ATXN1: variants seen among roughly 807,000 people sequenced by gnomAD.
ATXN1 encodes ataxin-1.
ATXN1 carries 8 observed loss-of-function variants against 56.4 expected under a neutral mutation model. That is an observed-to-expected ratio of 0.14 (90% CI 0.08 to 0.26). The LOEUF (loss-of-function observed/expected upper bound fraction) is 0.26, where lower values mean the gene tolerates loss of function less well. ATXN1 is among the 10% of genes least tolerant of loss of function. The pLI, the probability that ATXN1 is intolerant of heterozygous loss-of-function variation, is 1.00. For missense variants in ATXN1, 987 were observed against 1,106.5 expected (o/e 0.89, Z 1.53); for synonymous variants, 514 against 494.6 (o/e 1.04, Z -0.52).
intron 6 of ATXN1, among the ~76,000 whole-genome samples, chr6:16,396,259 T>TAA (rs749738695): frequency 7.0e-6 from 1 of 143,156 alleles, no homozygotes; most frequent in Non-Finnish European, 1.5e-5. Flanking sequence ...ACAGAAAACT[T>TAA]AAAAAAAAAA....
At chr6:16,383,602 A>T (rs1198616748) in intron 6 of ATXN1, among the ~76,000 whole-genome samples, 1 of 152,194 alleles carries the variant, frequency 6.6e-6, no homozygotes, top group Non-Finnish European at 1.5e-5. Flanking sequence ...TCATTAGATC[A>T]TGCTACTAAC....
intron 5 of ATXN1, among the ~76,000 whole-genome samples, chr6:16,493,568 A>G (rs751605554): frequency 6.6e-6 from 1 of 151,542 alleles, no homozygotes; most frequent in Non-Finnish European, 1.5e-5. Context: ...TCATCTCCCC[A>G]AGTGGAATGT....
At chr6:16,542,553 A>G (rs1755473721) in intron 4 of ATXN1, among the ~76,000 whole-genome samples, 1 of 152,168 alleles carries the variant, frequency 6.6e-6, no homozygotes, top group African/African-American at 2.4e-5. Context: ...CTCTAGAGGG[A>G]AAGTATGTAG....
At chr6:16,357,182 C>T (rs889847142) in intron 6 of ATXN1, among the ~76,000 whole-genome samples, 42 of 152,122 alleles carry the variant, frequency 2.8e-4, no homozygotes, top group African/African-American at 1.0e-3. Flanking sequence ...GACAAATATG[C>T]ACTACTAAGG....
At position 16,529,518 on chromosome 6, in the gene ATXN1, C is replaced by T. The variant is rs1233928020; in HGVS notation, c.-360-6830G>A. ...CAAAGTGTGGCAGATTGAACACCCGCTCATCTGACCTAAGCGCAATGTTAA... is the reference window on the plus strand; with the variant it reads ...CAAAGTGTGGCAGATTGAACACCCGTTCATCTGACCTAAGCGCAATGTTAA... On this transcript the variant is annotated intron_variant, in intron 4 of 7. Coordinates refer to ENST00000436367, the MANE Select transcript of ATXN1 (RefSeq NM_001128164.2). Among the ~76,000 whole-genome samples the T allele has an allele frequency of 3.3e-5, 5 of 152,176 alleles. No individual in the cohort carries two copies. The South Asian group carries it at 8.3e-4, about 25-fold the overall frequency.
At chr6:16,384,038 C>T (rs1758188933) in intron 6 of ATXN1, among the ~76,000 whole-genome samples, 1 of 152,214 alleles carries the variant, frequency 6.6e-6, no homozygotes, top group African/African-American at 2.4e-5. Flanking sequence ...TGTACCCTGT[C>T]TTGAATTCTA....
At chr6:16,417,200 T>TA (rs1253622951) in intron 6 of ATXN1, among the ~76,000 whole-genome samples, 7 of 151,760 alleles carry the variant, frequency 4.6e-5, no homozygotes, top group Middle Eastern at 3.4e-3. Context: ...CTAGGCTACT[T>TA]AAAAAAAAAT....
chr6:16,741,597 C>G (rs1046534360), intron 2 of ATXN1, among the ~76,000 whole-genome samples: 4 of 152,196 alleles, frequency 2.6e-5, no homozygotes, highest in African/African-American at 7.2e-5. Flanking sequence ...TACAGCAGGA[C>G]AGCCAACAGC....
At chr6:16,733,071 G>A (rs1263280403) in intron 2 of ATXN1, among the ~76,000 whole-genome samples, 1 of 152,160 alleles carries the variant, frequency 6.6e-6, no homozygotes, top group African/African-American at 2.4e-5. Context: ...TTCCTGCCAT[G>A]CCGGGACCCA....
chr6:16,702,144 C>T (rs1412118722), intron 2 of ATXN1, among the ~76,000 whole-genome samples: 8 of 152,116 alleles, frequency 5.3e-5, no homozygotes, highest in African/African-American at 1.7e-4. Context: ...GAGATATAGA[C>T]CAATGGAACA....
chr6:16,471,621 G>A (rs1265368561), intron 6 of ATXN1, among the ~76,000 whole-genome samples: 4 of 151,998 alleles, frequency 2.6e-5, no homozygotes, highest in African/African-American at 7.2e-5. Context: ...GATTAGATTC[G>A]CACCTCTCTG....
At chr6:16,719,315 T>C (rs1004434605) in intron 2 of ATXN1, among the ~76,000 whole-genome samples, 3 of 152,234 alleles carry the variant, frequency 2.0e-5, no homozygotes, top group African/African-American at 7.2e-5. Flanking sequence ...AAGAGCAACT[T>C]TATTTCATTT....
intron 6 of ATXN1, among the ~76,000 whole-genome samples, chr6:16,373,272 TC>T (rs574060906): frequency 6.8e-4 from 103 of 152,378 alleles, no homozygotes; most frequent in African/African-American, 2.5e-3. Context: ...TTAGAAATGA[TC>T]CATAATTTCT....
chr6:16,474,876 T>TCC (rs1429358456), intron 6 of ATXN1, among the ~76,000 whole-genome samples: 40 of 152,162 alleles, frequency 2.6e-4, no homozygotes, highest in Admixed American at 2.1e-3. Context: ...TCTCTCTCTC[T>TCC]TTCTGTAAAT....
At chr6:16,559,973 C>T (rs1445371112) in intron 4 of ATXN1, among the ~76,000 whole-genome samples, 2 of 152,088 alleles carry the variant, frequency 1.3e-5, no homozygotes, top group African/African-American at 4.8e-5. Flanking sequence ...TGCACCGCCT[C>T]CCCACCCCAC....
At chr6:16,711,691 C>T (rs906115802) in intron 2 of ATXN1, among the ~76,000 whole-genome samples, 22 of 152,016 alleles carry the variant, frequency 1.4e-4, no homozygotes, top group Non-Finnish European at 2.6e-4. Flanking sequence ...TCATGACTCA[C>T]TGCAGGCTTG....
rs553896504 is a variant in ATXN1 at position 16,375,668 on chromosome 6, AT to A, written c.-160-47199del. On this transcript the variant is annotated intron_variant, in intron 6 of 7. Coordinates refer to ENST00000436367, the MANE Select transcript of ATXN1 (RefSeq NM_001128164.2). ...ATCAGACCACAATGCTTGTATCTTT[AT>A]TTTTTTTTTTCCTGCTCATTGCCTT... 8.5e-4 allele frequency among the ~76,000 whole-genome samples: 126 copies of A among 147,574 alleles called. 1 individual carries two copies. The South Asian group carries it at 0.013, about 15-fold the overall frequency.
At chr6:16,359,016 C>T (rs1220486623) in intron 6 of ATXN1, among the ~76,000 whole-genome samples, 1 of 152,266 alleles carries the variant, frequency 6.6e-6, no homozygotes, top group Non-Finnish European at 1.5e-5. Context: ...GTCTCTGCAG[C>T]CTGCACCCTT....
chr6:16,440,648 A>AAAAAAAAGAAAG (rs748929817), intron 6 of ATXN1, among the ~76,000 whole-genome samples: 10 of 118,472 alleles, frequency 8.4e-5, no homozygotes, highest in East Asian at 2.7e-4. Context: ...CTTAAAAAAA[A>AAAAAAAAGAAAG]AAAAGAAAAG....
Sources: allele counts gnomAD v4.1 joint callset (sites outside exome capture counted in the v4.1 genomes callset), GRCh38; gene constraint gnomAD v4.1.1; transcripts MANE v1.5; gene names NCBI Gene and HGNC (gene_info 2026-07-23, HGNC 2026-07-21).